The following CSMD3 variants were observed in gnomAD, a reference collection of about 807,000 sequenced individuals.
CSMD3 encodes the protein CUB and Sushi multiple domains 3, also known as CUB and sushi domain-containing protein 3.
Under a neutral mutation model 435.2 loss-of-function variants are expected in CSMD3, and 177 were observed. That is an observed-to-expected ratio of 0.41 (90% CI 0.36 to 0.46). The LOEUF is 0.46. CSMD3 is among the 20% of genes least tolerant of loss of function. The pLI, the probability that CSMD3 is intolerant of heterozygous loss-of-function variation, is 0.34. For synonymous variants in CSMD3, 1,656 were observed against 1,520.5 expected, an observed-to-expected ratio of 1.09 and a Z score of -2.07; for missense variants, 4,265 against 4,504.6, an observed-to-expected ratio of 0.95 and a Z score of 1.52.
chr8:112,672,411 G>C (rs1457275171), intron 16 of CSMD3, among the ~76,000 whole-genome samples: 1 of 152,016 alleles, frequency 6.6e-6, no homozygotes, highest in Non-Finnish European at 1.5e-5. Flanking sequence ...AAACGTTAGT[G>C]GCCATCTACT....
intron 10 of CSMD3, among the ~76,000 whole-genome samples, chr8:112,892,999 T>C (rs1250855798): frequency 6.6e-6 from 1 of 151,378 alleles, no homozygotes; most frequent in East Asian, 2.0e-4. Flanking sequence ...AATATATAGC[T>C]ATAGGCAAAG....
chr8:112,869,560 C>T (rs1564046013), intron 10 of CSMD3, among the ~76,000 whole-genome samples: 1 of 152,122 alleles, frequency 6.6e-6, no homozygotes, highest in African/African-American at 2.4e-5. Context: ...ATAAATCATC[C>T]TACTATAAAG....
At chr8:113,161,965 C>A (rs2092049169) in intron 4 of CSMD3, among the ~76,000 whole-genome samples, 1 of 151,904 alleles carries the variant, frequency 6.6e-6, no homozygotes, top group South Asian at 2.1e-4. Context: ...TTCCTGAATC[C>A]TAGAAAGTGA....
At chr8:113,092,292 T>C (rs542424318) in intron 5 of CSMD3, among the ~76,000 whole-genome samples, 5 of 152,204 alleles carry the variant, frequency 3.3e-5, no homozygotes, top group Admixed American at 2.6e-4. Flanking sequence ...TGTGCCAGTA[T>C]AGACATAAAC....
chr8:112,976,582 A>T (rs1351475291), intron 6 of CSMD3, among the ~76,000 whole-genome samples: 1 of 152,100 alleles, frequency 6.6e-6, no homozygotes, highest in African/African-American at 2.4e-5. Context: ...TGGGAAAAAT[A>T]TCAAAATTTT....
At chr8:112,406,805 A>G in intron 34 of CSMD3, 78 bp from the exon 35 acceptor site, 1 of 854,774 alleles carries the variant, frequency 1.2e-6, no homozygotes, top group South Asian at 2.1e-5. Flanking sequence ...GTTTAAACAC[A>G]TTTTTGAGAA....
chr8:112,549,326 T>C (rs1283885821), intron 27 of CSMD3, among the ~76,000 whole-genome samples: 1 of 152,056 alleles, frequency 6.6e-6, no homozygotes, highest in African/African-American at 2.4e-5. Context: ...TTCGGAGCCA[T>C]TTATATTCAC....
intron 23 of CSMD3, among the ~76,000 whole-genome samples, chr8:112,584,952 T>G (rs1446697220): frequency 1.3e-5 from 2 of 151,638 alleles, no homozygotes; most frequent in East Asian, 3.9e-4. Flanking sequence ...TGAGAATTAA[T>G]CATATGTCTT....
At position 113,193,768 on chromosome 8, in the gene CSMD3, C is replaced by T. The variant is rs11987770; in HGVS notation, c.515-19852G>A. ...TTAAGTATACTGTGCAGTAGGTTACCGACTTTAAAACCTCTATGTAATCTT... is the reference window on the plus strand; with the variant it reads ...TTAAGTATACTGTGCAGTAGGTTACTGACTTTAAAACCTCTATGTAATCTT... On this transcript the variant is annotated intron_variant, in intron 3 of 70. Transcript: ENST00000297405. Among the ~76,000 whole-genome samples the T allele has an allele frequency of 7.7e-3, 1,168 of 151,208 alleles. 18 individuals carry two copies. Among genetic ancestry groups the T allele is most frequent in the African/African-American group, 0.027 (1,116 of 41,358 alleles).
At chr8:112,603,722 T>C (rs560813451) in intron 22 of CSMD3, among the ~76,000 whole-genome samples, 62 of 152,302 alleles carry the variant, frequency 4.1e-4, no homozygotes, top group African/African-American at 1.5e-3. Context: ...TTTTTTTATG[T>C]TACATGGTTC....
intron 4 of CSMD3, among the ~76,000 whole-genome samples, chr8:113,143,832 A>G (rs1212650858): frequency 6.6e-6 from 1 of 151,390 alleles, no homozygotes; most frequent in Non-Finnish European, 1.5e-5. Flanking sequence ...TAAAAGGGCA[A>G]TATAAAATAT....
At chr8:112,505,273 A>G (rs1023064817) in intron 29 of CSMD3, among the ~76,000 whole-genome samples, 13 of 152,142 alleles carry the variant, frequency 8.5e-5, no homozygotes, top group African/African-American at 3.1e-4. Flanking sequence ...CAATTAACTT[A>G]TCCTGAAATT....
chr8:113,140,586 G>A (rs2091525080), intron 4 of CSMD3, among the ~76,000 whole-genome samples: 1 of 150,806 alleles, frequency 6.6e-6, no homozygotes, highest in African/African-American at 2.4e-5. Context: ...TAATCAAACC[G>A]GATATCTATA....
intron 2 of CSMD3, among the ~76,000 whole-genome samples, chr8:113,291,814 C>T (rs764423622): frequency 1.6e-4 from 25 of 151,734 alleles, no homozygotes; most frequent in Non-Finnish European, 2.5e-4. Flanking sequence ...CACAAAAAAA[C>T]TAAAGGAAGT....
chr8:112,757,217 T>C (rs1330186027), intron 13 of CSMD3, among the ~76,000 whole-genome samples: 2 of 152,130 alleles, frequency 1.3e-5, no homozygotes, highest in Non-Finnish European at 2.9e-5. Flanking sequence ...CATTGATCTA[T>C]GGAAAGCTTT....
chr8:113,118,165 T>C (rs1000037828), intron 4 of CSMD3, among the ~76,000 whole-genome samples: 4 of 152,226 alleles, frequency 2.6e-5, no homozygotes, highest in Non-Finnish European at 5.9e-5. Flanking sequence ...TATCCCATTA[T>C]GTAATAGATT....
chr8:112,575,231 T>C (rs1273627650), intron 23 of CSMD3, among the ~76,000 whole-genome samples: 1 of 152,036 alleles, frequency 6.6e-6, no homozygotes, highest in East Asian at 1.9e-4. Context: ...CTAAACATTT[T>C]CTACACAGAA....
chr8:112,506,501 C>T (rs1249756832), intron 29 of CSMD3, among the ~76,000 whole-genome samples, 190 bp downstream of exon 29: 3 of 151,956 alleles, frequency 2.0e-5, no homozygotes, highest in Non-Finnish European at 2.9e-5. Flanking sequence ...GAGGCTCACT[C>T]AAATAAATAA....
At chr8:113,009,854 C>T (rs985980100) in intron 6 of CSMD3, among the ~76,000 whole-genome samples, 22 of 151,454 alleles carry the variant, frequency 1.5e-4, no homozygotes, top group African/African-American at 3.6e-4. Flanking sequence ...CAATAACAGC[C>T]GGTAGTACCT....
Sources: gnomAD v4.1 joint callset for allele counts (sites outside exome capture counted in the v4.1 genomes callset) on GRCh38, gnomAD v4.1.1 for gene constraint, MANE v1.5 for transcripts, NCBI Gene and HGNC (gene_info 2026-07-23, HGNC 2026-07-21) for gene names.